Variants in MCPH1 observed in about 807,000 individuals in gnomAD.
The protein encoded by MCPH1 is microcephalin 1.
In MCPH1, 104 loss-of-function variants were observed where a neutral mutation model predicts 84.5. That is an observed-to-expected ratio of 1.23 (90% CI 1.05 to 1.45). The LOEUF (loss-of-function observed/expected upper bound fraction) is 1.45. Among genes scored for constraint, MCPH1 ranks in the 40% most tolerant of loss-of-function variants. The probability of loss-of-function intolerance (pLI) is 0.00; values close to 1 mark genes in which losing one functional copy is unlikely to be tolerated. For missense variants in MCPH1, 1,498 were observed against 1,005.7 expected, an observed-to-expected ratio of 1.49 and a Z score of -6.62; for synonymous variants, 514 against 366.8, an observed-to-expected ratio of 1.40 and a Z score of -4.58.
intron 13 of MCPH1, among the ~76,000 whole-genome samples, chr8:6,630,012 A>G (rs540969999): frequency 1.3e-5 from 2 of 152,366 alleles, no homozygotes; most frequent in Admixed American, 1.3e-4. Context: ...GGAGCAAGAG[A>G]AAAAAGTAGT....
intron 9 of MCPH1, chr8:6,473,890 A>G: frequency 6.5e-7 from 1 of 1,529,776 alleles, no homozygotes. Context: ...TCAAGATCTG[A>G]TCTACATTAT....
At chr8:6,496,395 C>T (rs906166747) in intron 11 of MCPH1, among the ~76,000 whole-genome samples, 1 of 152,144 alleles carries the variant, frequency 6.6e-6, no homozygotes, top group African/African-American at 2.4e-5. Context: ...GTTCACCCAC[C>T]ACTCACCTCC....
At position 6,477,628 on chromosome 8, in the gene MCPH1, CTGAGTAAGTACT is replaced by C. The variant is rs746168488; in HGVS notation, c.1973_1973+11del. On this transcript the variant is annotated splice_donor_variant and splice_donor_5th_base_variant and coding_sequence_variant and intron_variant, in exon 10 of 14. Transcript: ENST00000344683. LOFTEE classifies it high-confidence loss of function. ...ACATTAGTCATGACAAGCATGCCATCTGAGTAAGTACTTGTTTTGATTTCTGTTCAATGTAAA... is the reference window on the plus strand; with the variant it reads ...ACATTAGTCATGACAAGCATGCCATCTGTTTTGATTTCTGTTCAATGTAAA... The C allele has an allele frequency of 6.2e-7, 1 of 1,612,220 alleles. No homozygotes were observed. Among genetic ancestry groups the C allele is most frequent in the South Asian group, 1.1e-5 (1 of 91,034 alleles).
chr8:6,625,574 A>G, intron 13 of MCPH1: 2 of 984,832 alleles, frequency 2.0e-6, no homozygotes, highest in Non-Finnish European at 2.4e-6. Context: ...CTCAAAAAAA[A>G]ATCAATTAAA....
At chr8:6,474,220 A>G (rs771645066) in intron 9 of MCPH1, 3 of 648,888 alleles carry the variant, frequency 4.6e-6, no homozygotes, top group South Asian at 3.5e-5. Flanking sequence ...ACTCTTCATC[A>G]TAGTCGTCAT....
chr8:6,426,291 C>T (rs2922833), intron 3 of MCPH1, among the ~76,000 whole-genome samples: 46,592 of 152,134 alleles, frequency 0.31, 10,405 homozygotes, highest in African/African-American at 0.64. Flanking sequence ...AACCAAAATA[C>T]AGAGCATTTT....
intron 11 of MCPH1, among the ~76,000 whole-genome samples, chr8:6,495,594 C>G (rs1290301251): frequency 6.6e-6 from 1 of 152,168 alleles, no homozygotes; most frequent in Non-Finnish European, 1.5e-5. Flanking sequence ...ATAATTTTGT[C>G]AGCTTAAATT....
intron 3 of MCPH1, among the ~76,000 whole-genome samples, chr8:6,417,733 C>T (rs535920425): frequency 6.6e-6 from 1 of 152,204 alleles, no homozygotes; most frequent in South Asian, 2.1e-4. Flanking sequence ...TCTATTACCT[C>T]GATGAGTGTA....
intron 11 of MCPH1, among the ~76,000 whole-genome samples, chr8:6,498,296 T>A (rs936715528): frequency 2.6e-5 from 4 of 152,218 alleles, no homozygotes; most frequent in African/African-American, 9.6e-5. Context: ...TCTTTCAAAG[T>A]AGATTTTCAC....
intron 12 of MCPH1, among the ~76,000 whole-genome samples, chr8:6,518,529 T>A (rs1375232218): frequency 1.3e-5 from 2 of 152,216 alleles, no homozygotes; most frequent in South Asian, 2.1e-4. Context: ...AATAGCACAA[T>A]ATTTATCTTT....
chr8:6,423,513 A>G (rs528912440), intron 3 of MCPH1, among the ~76,000 whole-genome samples: 23 of 152,298 alleles, frequency 1.5e-4, no homozygotes, highest in African/African-American at 4.8e-4. Context: ...TTGCCTGTAC[A>G]TGCAGATGCA....
rs7842749 is a variant in MCPH1, at chr8:6,596,216, G to A, written c.2215-25238G>A. Among the ~76,000 whole-genome samples, 1,083 of 152,198 alleles carry A rather than the reference G, an allele frequency of 7.1e-3. 16 individuals carry two copies. Among genetic ancestry groups the A allele is most frequent in the African/African-American group, 0.024 (1,002 of 41,510 alleles). ...TGGGCTCCAGTCTCAGCTCTGCCAC[G>A]AACTGGCACTGTGCCTTGGACCAAG... On this transcript the variant is annotated intron_variant, in intron 12 of 13. Transcript: ENST00000344683.
chr8:6,466,685 C>G (rs915125967), intron 9 of MCPH1, among the ~76,000 whole-genome samples: 10 of 152,056 alleles, frequency 6.6e-5, no homozygotes, highest in African/African-American at 2.4e-4. Context: ...GTGATTCTCT[C>G]ACCTCGGCCT....
At chr8:6,449,842 A>C (rs1804883910) in intron 8 of MCPH1, among the ~76,000 whole-genome samples, 2 of 152,168 alleles carry the variant, frequency 1.3e-5, no homozygotes, top group African/African-American at 4.8e-5. Context: ...ACTGCCAATC[A>C]CAGCTCTTCA....
At chr8:6,556,826 G>A (rs1824700231) in intron 12 of MCPH1, among the ~76,000 whole-genome samples, 1 of 152,008 alleles carries the variant, frequency 6.6e-6, no homozygotes. Context: ...TGGCCTCAAA[G>A]TGTCTTCCCA....
At chr8:6,620,921 T>C (rs146713297) in intron 12 of MCPH1, 2 of 170,276 alleles carry the variant, frequency 1.2e-5, no homozygotes, top group African/African-American at 2.4e-5. Flanking sequence ...CTCTAGGAAT[T>C]CTACTTTTGC....
At chr8:6,613,044 G>A (rs963486740) in intron 12 of MCPH1, among the ~76,000 whole-genome samples, 1 of 152,250 alleles carries the variant, frequency 6.6e-6, no homozygotes. Flanking sequence ...GAAGGCGAGA[G>A]GCATGGGGTT....
intron 3 of MCPH1, among the ~76,000 whole-genome samples, chr8:6,421,925 C>A (rs1800263491): frequency 6.6e-6 from 1 of 152,172 alleles, no homozygotes; most frequent in Non-Finnish European, 1.5e-5. Flanking sequence ...AGAACTCTGC[C>A]CCGTCTTCCT....
At chr8:6,456,245 T>A (rs780758377) in intron 9 of MCPH1, among the ~76,000 whole-genome samples, 1 of 152,118 alleles carries the variant, frequency 6.6e-6, no homozygotes, top group Non-Finnish European at 1.5e-5. Flanking sequence ...CAGGGTCCCA[T>A]AACATGTTTG....
Sources: gnomAD v4.1 joint callset for allele counts (sites outside exome capture counted in the v4.1 genomes callset) on GRCh38, gnomAD v4.1.1 for gene constraint, MANE v1.5 for transcripts, NCBI Gene and HGNC (gene_info 2026-07-23, HGNC 2026-07-21) for gene names.